ERCC3: variants seen among roughly 807,000 people sequenced by gnomAD.
The protein encoded by ERCC3 is ERCC excision repair 3, TFIIH core complex helicase subunit.
A neutral mutation model predicts 94.2 loss-of-function variants in ERCC3; 66 were observed. The ratio of observed to expected loss-of-function variants is 0.70; its 90% CI spans 0.57 to 0.86. The LOEUF (loss-of-function observed/expected upper bound fraction) is 0.86, where lower values mean the gene tolerates loss of function less well. Among genes scored for constraint, ERCC3 ranks in the 40% least tolerant of loss-of-function variants. The pLI is 0.00. For missense variants in ERCC3, 829 were observed against 987.1 expected (o/e 0.84, Z 2.15); for synonymous variants, 349 against 369.1 (o/e 0.95, Z 0.63).
chr2:127,294,071 CT>C lies in ERCC3; in HGVS notation c.10del (p.Arg4GlufsTer64). 6.2e-7 allele frequency: 1 copy of C among 1,608,360 alleles called. No individual in the cohort carries two copies. On this transcript the variant is annotated frameshift_variant, in exon 1 of 15. Coordinates refer to ENST00000285398, the MANE Select transcript of ERCC3 (RefSeq NM_000122.2). LOFTEE classifies it high-confidence loss of function. ...CGTCTCACCGCGGTCCGCTCGGTCT[CT>C]TTTGCCCATGGCAGCTACAGCAGCA... The part of the protein sequence containing the change: MGK[R>X]DRADRDKKKS...
chr2:127,265,361 T>C (rs909395709), intron 12 of ERCC3, among the ~76,000 whole-genome samples: 14 of 152,228 alleles, frequency 9.2e-5, no homozygotes, highest in Admixed American at 4.6e-4. Context: ...TTGTCATTTC[T>C]GATTCTGCTT....
rs4150525 is a variant in ERCC3 at position 127,257,419 on chromosome 2, T to C, written c.*177A>G. 1.3e-3 allele frequency: 985 copies of C among 781,478 alleles called. 15 individuals are homozygous for C. In the Admixed American group the frequency reaches 0.018, roughly 14 times the overall value. 48.4% of individuals were successfully genotyped at this position (781,478 alleles called of 1,614,324 possible). ...GAAAAAATATTGTCTCCTCCTCCTT[T>C]ATAAAACCCTAGATGACCTATGAAG... is the stretch of plus-strand genomic sequence containing the variant. On this transcript the variant is annotated 3_prime_UTR_variant, in exon 15 of 15. Transcript: ENST00000285398. This position sits in a 1 kb window ranked among gnomAD's most constrained non-coding sequence, Gnocchi z 5.4.
At chr2:127,269,673 G>A (rs1000235391) in intron 12 of ERCC3, among the ~76,000 whole-genome samples, 9 of 150,942 alleles carry the variant, frequency 6.0e-5, no homozygotes, top group Middle Eastern at 3.4e-3. Flanking sequence ...TGCCTGCCTG[G>A]GCCTCCCAAA....
rs1333192307 is a variant in ERCC3 at position 127,272,959 on chromosome 2, G to A, written c.1733C>T (p.Pro578Leu). Residue 578 changes from proline to leucine, a missense_variant and splice_region_variant, in exon 11 of 15, where the codon CCC becomes CTC. Pro to Leu is a moderately conservative substitution (Grantham distance 98). Coordinates refer to ENST00000285398, the MANE Select transcript of ERCC3 (RefSeq NM_000122.2). Reference protein sequence around the residue: ...LKEYAIRLNKPYIYGPTSQGE... With the variant: ...LKEYAIRLNKLYIYGPTSQGE... ...CTGAGACGTAGGTCCGTAGATATAG[G>A]GTCTAGAGAAGAATGAAGCTGTGTT... 6 of 1,595,922 alleles carry A rather than the reference G, an allele frequency of 3.8e-6. No homozygotes were observed. The highest frequency in any genetic ancestry group is 1.3e-5 in the African/African-American group (1 of 74,568).
Position 127,286,521 on chromosome 2 carries a change from G to C in ERCC3, c.1342+182C>G, listed in dbSNP as rs182791398. On this transcript the variant is annotated intron_variant, in intron 8 of 14. Coordinates refer to ENST00000285398, the MANE Select transcript of ERCC3 (RefSeq NM_000122.2). Reference sequence around the variant, plus strand: ...AGATCGTGCCACTGCACTCCAGCTTGGGTGACAGAGTGAGACTCCCTCTCA... The same window carrying C: ...AGATCGTGCCACTGCACTCCAGCTTCGGTGACAGAGTGAGACTCCCTCTCA... 1.5e-3 allele frequency among the ~76,000 whole-genome samples: 232 copies of C among 152,004 alleles called. 2 individuals are homozygous for C. Among genetic ancestry groups the C allele is most frequent in the African/African-American group, 5.3e-3 (220 of 41,466 alleles).
intron 8 of ERCC3, among the ~76,000 whole-genome samples, chr2:127,282,116 G>T (rs954077297): frequency 1.3e-5 from 2 of 152,036 alleles, no homozygotes; most frequent in African/African-American, 4.8e-5. Flanking sequence ...ATGCAGCTGT[G>T]GAACCACCTA....
Position 127,274,210 on chromosome 2 carries a change from G to A in ERCC3, c.1731-1249C>T, listed in dbSNP as rs931972571. Among the ~76,000 whole-genome samples the A allele has an allele frequency of 6.6e-6, 1 of 151,524 alleles. No individual in the cohort carries two copies. The highest frequency in any genetic ancestry group is 6.6e-5 in the Admixed American group (1 of 15,230). Reference sequence around the variant, plus strand: ...GGCACCTATAATCCCAGCTACTCAGGAGGCTGAAGCAGGAGAATCACTTGA... The same window carrying A: ...GGCACCTATAATCCCAGCTACTCAGAAGGCTGAAGCAGGAGAATCACTTGA... On this transcript the variant is annotated intron_variant, in intron 10 of 14. Transcript: ENST00000285398. This position sits in a 1 kb window ranked among gnomAD's most constrained non-coding sequence, Gnocchi z 4.0.
At chr2:127,266,363 T>A (rs1161579345) in intron 12 of ERCC3, among the ~76,000 whole-genome samples, 1 of 134,972 alleles carries the variant, frequency 7.4e-6, no homozygotes, top group African/African-American at 3.1e-5. Context: ...TTTGAGAGAG[T>A]CTCGCTCTGT....
intron 1 of ERCC3, 105 bp from the exon 2 acceptor site, chr2:127,293,823 G>T: frequency 6.3e-7 from 1 of 1,594,696 alleles, no homozygotes. Flanking sequence ...CTAGCTAAGA[G>T]CCACCTGCAT....
In ERCC3 at chr2:127,258,355, C is replaced by G. The variant is rs1011676359; in HGVS notation, c.2218-628G>C. 6.6e-6 allele frequency among the ~76,000 whole-genome samples: 1 copy of G among 152,154 alleles called. No individual in the cohort carries two copies. The highest frequency in any genetic ancestry group is 2.4e-5 in the African/African-American group (1 of 41,452). ...GGCTTGACTCTTGGCTCCTCCTGTC[C>G]CTGAGTAACCCTGAGGCAAGTAATT... On this transcript the variant is annotated intron_variant, in intron 14 of 14. Transcript: ENST00000285398. The surrounding 1 kb of genome is among the most constrained non-coding windows in gnomAD (Gnocchi z 4.1).
At chr2:127,265,077 C>A (rs1400991069) in intron 12 of ERCC3, among the ~76,000 whole-genome samples, 2 of 152,016 alleles carry the variant, frequency 1.3e-5, no homozygotes, top group African/African-American at 4.8e-5. Context: ...GAACTCCTGA[C>A]CTCAGGTGAT....
chr2:127,292,520 A>G, intron 3 of ERCC3, 90 bp downstream of exon 3: 1 of 881,906 alleles, frequency 1.1e-6, no homozygotes, highest in South Asian at 1.3e-5. Flanking sequence ...GCACATTCTC[A>G]TGGCTGCCAC....
rs4150444 is a variant in ERCC3, at chr2:127,282,687, A to G, written c.1343-2056T>C. On this transcript the variant is annotated intron_variant, in intron 8 of 14. Transcript: ENST00000285398. ...TTAACATTTGCTCTCTGGGACAATG[A>G]GCATGGCCAGGCCACTGGGCTTATG... Among the ~76,000 whole-genome samples the G allele has an allele frequency of 7.2e-5, 11 of 152,306 alleles. No individual in the cohort carries two copies. The East Asian group carries it at 2.1e-3, about 29-fold the overall frequency.
Position 127,277,934 on chromosome 2 carries a change from T to C in ERCC3, c.1730+1239A>G, listed in dbSNP as rs1230689722. Among the ~76,000 whole-genome samples, 1 of 151,922 alleles carries C rather than the reference T, an allele frequency of 6.6e-6. No individual in the cohort carries two copies. The highest frequency in any genetic ancestry group is 1.9e-4 in the East Asian group (1 of 5,146). On this transcript the variant is annotated intron_variant, in intron 10 of 14. Coordinates refer to ENST00000285398, the MANE Select transcript of ERCC3 (RefSeq NM_000122.2). This position sits in a 1 kb window ranked among gnomAD's most constrained non-coding sequence, Gnocchi z 5.1. ...ATCATCAAGAAATTACTACATAAGCTATTGCTTAGAAAGATGAAGGCTGGC... is the reference window on the plus strand; with the variant it reads ...ATCATCAAGAAATTACTACATAAGCCATTGCTTAGAAAGATGAAGGCTGGC...
At chr2:127,268,785 G>A (rs368549365) in intron 12 of ERCC3, among the ~76,000 whole-genome samples, 3 of 152,092 alleles carry the variant, frequency 2.0e-5, no homozygotes, top group African/African-American at 4.8e-5. Flanking sequence ...TCTCACCCTC[G>A]ATCTTAGCAA....
Position 127,294,101 on chromosome 2 carries a change from A to G in ERCC3, c.-20T>C. On this transcript the variant is annotated 5_prime_UTR_variant, in exon 1 of 15. Transcript: ENST00000285398. Reference sequence around the variant, plus strand: ...GCCCATGGCAGCTACAGCAGCAGAGAGAAGATGACCCCGCTCCCACAGGCC... The same window carrying G: ...GCCCATGGCAGCTACAGCAGCAGAGGGAAGATGACCCCGCTCCCACAGGCC... The G allele has an allele frequency of 1.2e-6, 2 of 1,606,518 alleles. No homozygotes were observed. The highest frequency in any genetic ancestry group is 1.3e-5 in the African/African-American group (1 of 75,026).
At chr2:127,270,230 G>A (rs1421465073) in intron 12 of ERCC3, among the ~76,000 whole-genome samples, 1 of 152,060 alleles carries the variant, frequency 6.6e-6, no homozygotes, top group East Asian at 1.9e-4. Context: ...TCACTACATT[G>A]CCCAAGATGG....
Position 127,288,662 on chromosome 2 carries a change from C to T in ERCC3, c.1025G>A (p.Cys342Tyr). The T allele has an allele frequency of 6.2e-7, 1 of 1,613,816 alleles. No homozygotes were observed. The highest frequency in any genetic ancestry group is 8.5e-7 in the Non-Finnish European group (1 of 1,179,736). The change falls in exon 7 of 15, where the codon TGC (cysteine) becomes TAC (tyrosine). Residue 342 changes from cysteine (C) to tyrosine (Y), a missense_variant and splice_region_variant. Coordinates refer to ENST00000285398, the MANE Select transcript of ERCC3 (RefSeq NM_000122.2). ...TTCTTAACTCTGGTACCACTTACCG[C>T]AGGGAAGAACAATGACCCCCGAACG... Reference protein sequence around the residue: ...RARSGVIVLPCGAGKSLVGVT... With the variant: ...RARSGVIVLPYGAGKSLVGVT...
In ERCC3 at chr2:127,273,671, C is replaced by T. The variant is rs549944678; in HGVS notation, c.1731-710G>A. Reference sequence around the variant, plus strand: ...GGCTGAGGCAGGAGAATCACTTGAACCGGGGAGGCAGAGGTTGTGGTGAGC... The same window carrying T: ...GGCTGAGGCAGGAGAATCACTTGAATCGGGGAGGCAGAGGTTGTGGTGAGC... On this transcript the variant is annotated intron_variant, in intron 10 of 14. Coordinates refer to ENST00000285398, the MANE Select transcript of ERCC3 (RefSeq NM_000122.2). Among the ~76,000 whole-genome samples, 6 of 146,928 alleles carry T rather than the reference C, an allele frequency of 4.1e-5. No individual in the cohort carries two copies. In the East Asian group the frequency reaches 8.3e-4, roughly 20 times the overall value.
Sources: gnomAD v4.1 joint callset for allele counts (sites outside exome capture counted in the v4.1 genomes callset) on GRCh38, gnomAD v4.1.1 for gene constraint, Gnocchi (gnomAD v3.1) non-coding constraint, MANE v1.5 for transcripts, NCBI Gene and HGNC (gene_info 2026-07-23, HGNC 2026-07-21) for gene names.